The following GLCE variants were observed in gnomAD, a reference collection of about 807,000 sequenced individuals.
GLCE encodes the protein D-glucuronyl C5-epimerase.
A neutral mutation model predicts 47.9 loss-of-function variants in GLCE; 19 were observed. The ratio of observed to expected loss-of-function variants is 0.40; its 90% confidence interval spans 0.28 to 0.58. GLCE has a LOEUF of 0.58. GLCE is among the 20% of genes least tolerant of loss of function. The probability of loss-of-function intolerance (pLI) is 0.48; values close to 1 mark genes in which losing one functional copy is unlikely to be tolerated. For missense variants in GLCE, 556 were observed against 743.3 expected, an observed-to-expected ratio of 0.75 and a Z score of 2.93; for synonymous variants, 245 against 263.4, an observed-to-expected ratio of 0.93 and a Z score of 0.68.
chr15:69,224,126 G>T (rs1173719178), intron 2 of GLCE, among the ~76,000 whole-genome samples: 1 of 152,094 alleles, frequency 6.6e-6, no homozygotes, highest in African/African-American at 2.4e-5. Flanking sequence ...TGTATGCCTT[G>T]TGATTTTTTG....
chr15:69,200,165 C>T (rs2052057355), intron 1 of GLCE, among the ~76,000 whole-genome samples: 1 of 152,058 alleles, frequency 6.6e-6, no homozygotes, highest in Admixed American at 6.6e-5. Flanking sequence ...AAGTTTCGTG[C>T]CATCTGTGTT....
chr15:69,237,232 C>G (rs186945691), intron 2 of GLCE, among the ~76,000 whole-genome samples: 96 of 152,170 alleles, frequency 6.3e-4, no homozygotes, highest in African/African-American at 2.2e-3. Context: ...ATGCTTTCTG[C>G]ATTGCTTTGT....
At position 69,256,376 on chromosome 15, in the gene GLCE, C is replaced by T. The variant is rs768872949; in HGVS notation, c.570C>T (p.Cys190=). 1.2e-6 allele frequency: 2 copies of T among 1,609,022 alleles called. No homozygotes were observed. The highest frequency in any genetic ancestry group is 2.2e-5 in the South Asian group (2 of 90,986). The change falls in exon 3 of 5, where the codon TGC becomes TGT. Residue 190 remains cysteine (C), a synonymous_variant. Transcript: ENST00000261858. ...TGGAAGTCCGAGACAGAGTCAAGTG[C>T]ATAAGTGGGGTTGAAGGTTGGTATC... ...YNVEVRDRVK[C]ISGVEGVPLS... is the part of the protein sequence containing the mutation.
chr15:69,206,357 A>G (rs2052152248), intron 1 of GLCE, among the ~76,000 whole-genome samples: 2 of 151,988 alleles, frequency 1.3e-5, no homozygotes, highest in Admixed American at 1.3e-4. Flanking sequence ...CCTCACTGTA[A>G]AGTCGATATT....
At position 69,270,601 on chromosome 15, in the gene GLCE, AAC is replaced by A. The variant is rs1025330300; in HGVS notation, c.*1361_*1362del. On this transcript the variant is annotated 3_prime_UTR_variant, in exon 5 of 5. Coordinates refer to ENST00000261858, the MANE Select transcript of GLCE (RefSeq NM_015554.3). Reference sequence around the variant, plus strand: ...CACTTTCAGGGGACCGAGTCTGACAAACACAATACATTTATCTGTGACCTATA... The same window carrying A: ...CACTTTCAGGGGACCGAGTCTGACAAACAATACATTTATCTGTGACCTATA... 3 of 152,202 alleles carry A rather than the reference AAC, an allele frequency of 2.0e-5. No homozygotes were observed. The highest frequency in any genetic ancestry group is 7.2e-5 in the African/African-American group (3 of 41,454). 9.4% of individuals were successfully genotyped at this position (152,202 alleles called of 1,614,324 possible).
At chr15:69,184,194 C>T (rs1345022608) in intron 1 of GLCE, among the ~76,000 whole-genome samples, 1 of 152,152 alleles carries the variant, frequency 6.6e-6, no homozygotes, top group African/African-American at 2.4e-5. Context: ...AATAGTAGGA[C>T]ATGGCTTAAT....
At chr15:69,224,062 C>T (rs377558818) in intron 2 of GLCE, among the ~76,000 whole-genome samples, 5 of 152,072 alleles carry the variant, frequency 3.3e-5, no homozygotes, top group Middle Eastern at 3.2e-3. Flanking sequence ...TTTTCAAGGA[C>T]GATTTCTATG....
chr15:69,224,778 C>T (rs1214333805), intron 2 of GLCE, among the ~76,000 whole-genome samples: 1 of 152,188 alleles, frequency 6.6e-6, no homozygotes, highest in Admixed American at 6.5e-5. Context: ...AATTAATGCA[C>T]TTTATCATTT....
At position 69,250,805 on chromosome 15, in the gene GLCE, T is replaced by TA. The variant is rs35971019; in HGVS notation, c.-13-4971dup. On this transcript the variant is annotated intron_variant, in intron 2 of 4. Coordinates refer to ENST00000261858, the MANE Select transcript of GLCE (RefSeq NM_015554.3). ...GCAAGCACATGCCATTTTTTATAGTTAAAAAAAAAAAAAAAAAACAGCGTG... is the reference window on the plus strand; with the variant it reads ...GCAAGCACATGCCATTTTTTATAGTTAAAAAAAAAAAAAAAAAAACAGCGTG... Among the ~76,000 whole-genome samples the TA allele has an allele frequency of 9.1e-3, 1,158 of 126,796 alleles. 13 individuals are homozygous for TA. The highest frequency in any genetic ancestry group is 0.029 in the South Asian group (113 of 3,924). 83.2% of individuals were successfully genotyped at this position (126,796 alleles called of 152,430 possible). A position where few individuals can be genotyped will look rare whatever the true frequency, so the allele number is the denominator to read the frequency against.
At position 69,268,360 on chromosome 15, in the gene GLCE, G is replaced by GTCTCAAATGC; in HGVS notation, c.973_982dup (p.Gln328LeufsTer9). ...GAATCAGCTCTTCACTATACATTAT[G>GTCTCAAATGC]TCTCAAATGCTCAGCTAATTGCTTT... On this transcript the variant is annotated frameshift_variant, in exon 5 of 5. Transcript: ENST00000261858. LOFTEE classifies it high-confidence loss of function. 6.2e-7 allele frequency: 1 copy of GTCTCAAATGC among 1,614,086 alleles called. No individual in the cohort carries two copies. Among genetic ancestry groups the GTCTCAAATGC allele is most frequent in the Non-Finnish European group, 8.5e-7 (1 of 1,179,950 alleles).
At chr15:69,241,856 G>A (rs536054037) in intron 2 of GLCE, among the ~76,000 whole-genome samples, 1 of 152,252 alleles carries the variant, frequency 6.6e-6, no homozygotes, top group East Asian at 1.9e-4. Flanking sequence ...TTGGTTCTCA[G>A]ACCAAATTAA....
At chr15:69,161,857 G>A (rs2051428174) in intron 1 of GLCE, among the ~76,000 whole-genome samples, 2 of 152,056 alleles carry the variant, frequency 1.3e-5, no homozygotes, top group African/African-American at 2.4e-5. Flanking sequence ...GGTGTCCGCA[G>A]GTTGAGCGTG....
At chr15:69,191,796 C>G (rs753289426) in intron 1 of GLCE, among the ~76,000 whole-genome samples, 1 of 152,168 alleles carries the variant, frequency 6.6e-6, no homozygotes, top group Non-Finnish European at 1.5e-5. Flanking sequence ...CCTAACCTTA[C>G]AAGTAGGCCT....
rs1330887667 is a variant in GLCE at position 69,177,667 on chromosome 15, TATCTTTACTTCATGCCCCTTTATC to T, written c.-105+16927_-105+16950del. Among the ~76,000 whole-genome samples the T allele has an allele frequency of 9.4e-4, 136 of 145,448 alleles. 1 individual carries two copies. The highest frequency in any genetic ancestry group is 2.1e-3 in the South Asian group (10 of 4,744). The stretch of plus-strand genomic sequence containing the variant: ...TTATCTTTACCTCATGCCCCTTTAT[TATCTTTACTTCATGCCCCTTTATC>T]ATCTTTACTTCATGCCGCTTTATCA... On this transcript the variant is annotated intron_variant, in intron 1 of 4. Transcript: ENST00000261858.
At chr15:69,182,602 G>A (rs1178481634) in intron 1 of GLCE, among the ~76,000 whole-genome samples, 1 of 152,118 alleles carries the variant, frequency 6.6e-6, no homozygotes, top group African/African-American at 2.4e-5. Flanking sequence ...GACATGGGAA[G>A]GTAAAAGGAA....
At chr15:69,224,263 G>A (rs1181410767) in intron 2 of GLCE, among the ~76,000 whole-genome samples, 2 of 151,958 alleles carry the variant, frequency 1.3e-5, no homozygotes, top group East Asian at 3.9e-4. Flanking sequence ...TTGTAGACTG[G>A]GTAAGGAAAC....
At chr15:69,237,670 G>A (rs1307995780) in intron 2 of GLCE, among the ~76,000 whole-genome samples, 1 of 151,996 alleles carries the variant, frequency 6.6e-6, no homozygotes, top group African/African-American at 2.4e-5. Context: ...CTAATACTCT[G>A]TATCTTATGA....
At chr15:69,225,282 G>A (rs2052430919) in intron 2 of GLCE, among the ~76,000 whole-genome samples, 1 of 152,074 alleles carries the variant, frequency 6.6e-6, no homozygotes, top group Non-Finnish European at 1.5e-5. Context: ...AATGTATGCA[G>A]TAAGCTAGGC....
At chr15:69,201,384 T>C (rs1440294589) in intron 1 of GLCE, among the ~76,000 whole-genome samples, 1 of 152,032 alleles carries the variant, frequency 6.6e-6, no homozygotes, top group African/African-American at 2.4e-5. Flanking sequence ...AAATTTTTTT[T>C]AGTGCTTGCT....
Sources: allele counts gnomAD v4.1 joint callset (sites outside exome capture counted in the v4.1 genomes callset), GRCh38; gene constraint gnomAD v4.1.1; transcripts MANE v1.5; gene names NCBI Gene and HGNC (gene_info 2026-07-23, HGNC 2026-07-21).